The following DPP10 variants were observed in gnomAD, a reference collection of about 807,000 sequenced individuals.
The protein encoded by DPP10 is inactive dipeptidyl peptidase 10.
A neutral mutation model predicts 120.9 loss-of-function variants in DPP10; 33 were observed. That is an observed-to-expected ratio of 0.27 (90% CI 0.21 to 0.37). DPP10 has a LOEUF of 0.37. Among genes scored for constraint, DPP10 ranks in the 10% least tolerant of loss-of-function variants. The pLI is 1.00. For missense variants in DPP10, 816 were observed against 942.8 expected (o/e 0.87, Z 1.76); for synonymous variants, 337 against 326.1 (o/e 1.03, Z -0.36).
At chr2:114,751,780 G>A (rs1679250117) in intron 1 of DPP10, among the ~76,000 whole-genome samples, 1 of 152,180 alleles carries the variant, frequency 6.6e-6, no homozygotes, top group African/African-American at 2.4e-5. Flanking sequence ...CATGTTGGGA[G>A]CTTAAGCTGA....
intron 1 of DPP10, among the ~76,000 whole-genome samples, chr2:115,077,190 G>A (rs1707877315): frequency 6.6e-6 from 1 of 152,104 alleles, no homozygotes; most frequent in South Asian, 2.1e-4. Context: ...CATGGCAGCT[G>A]TCGTCTAATA....
chr2:115,023,909 T>TA (rs1283185606), intron 1 of DPP10, among the ~76,000 whole-genome samples: 10 of 151,944 alleles, frequency 6.6e-5, no homozygotes, highest in African/African-American at 2.4e-4. Context: ...AACTCAGCAA[T>TA]AAAAAACCAA....
chr2:115,044,860 G>A (rs1168146937), intron 1 of DPP10, among the ~76,000 whole-genome samples: 1 of 152,036 alleles, frequency 6.6e-6, no homozygotes, highest in Non-Finnish European at 1.5e-5. Flanking sequence ...ACAAATAAGT[G>A]ACAGCATGCA....
chr2:115,398,203 G>A (rs1553581760), intron 3 of DPP10, among the ~76,000 whole-genome samples: 2 of 150,568 alleles, frequency 1.3e-5, no homozygotes, highest in Non-Finnish European at 3.0e-5. Context: ...TTTGTCCCTT[G>A]GTTATATTAA....
intron 1 of DPP10, among the ~76,000 whole-genome samples, chr2:114,456,388 C>T (rs1678588093): frequency 6.6e-6 from 1 of 152,210 alleles, no homozygotes; most frequent in Non-Finnish European, 1.5e-5. Flanking sequence ...GACTTCTTAA[C>T]ATTAGAGGCC....
chr2:115,755,359 T>TA (rs1242373409), intron 11 of DPP10, among the ~76,000 whole-genome samples: 1 of 151,962 alleles, frequency 6.6e-6, no homozygotes, highest in Non-Finnish European at 1.5e-5. Flanking sequence ...CAGAAATAAA[T>TA]ACATGTGTTT....
chr2:114,625,520 T>G (rs1694445913), intron 1 of DPP10, among the ~76,000 whole-genome samples: 1 of 152,026 alleles, frequency 6.6e-6, no homozygotes, highest in Non-Finnish European at 1.5e-5. Flanking sequence ...TTGAAGTACT[T>G]CTATGAACAG....
intron 1 of DPP10, among the ~76,000 whole-genome samples, chr2:115,086,505 G>A (rs1573556488): frequency 6.7e-6 from 1 of 148,520 alleles, no homozygotes; most frequent in African/African-American, 2.5e-5. Flanking sequence ...CACCCAGGCT[G>A]GAGTGTAGTG....
chr2:114,628,148 GT>G, intron 1 of DPP10, among the ~76,000 whole-genome samples: 1 of 152,186 alleles, frequency 6.6e-6, no homozygotes, highest in Middle Eastern at 3.4e-3. Flanking sequence ...TTTGTGACAG[GT>G]GACATTATTT....
intron 1 of DPP10, among the ~76,000 whole-genome samples, chr2:115,023,106 C>A (rs370022918): frequency 6.6e-6 from 1 of 151,936 alleles, no homozygotes; most frequent in African/African-American, 2.4e-5. Context: ...ACTTCATGAC[C>A]GGGAACTCAA....
At chr2:115,700,725 A>G (rs932062848) in intron 7 of DPP10, among the ~76,000 whole-genome samples, 1 of 152,158 alleles carries the variant, frequency 6.6e-6, no homozygotes, top group Non-Finnish European at 1.5e-5. Context: ...ACTAATAAAC[A>G]CATTCAGCAA....
At position 115,836,671 on chromosome 2, in the gene DPP10, T is replaced by C. The variant is rs773921490; in HGVS notation, c.2110-3T>C. 1 of 1,612,270 alleles carries C rather than the reference T, an allele frequency of 6.2e-7. No individual in the cohort carries two copies. Among genetic ancestry groups the C allele is most frequent in the Non-Finnish European group, 8.5e-7 (1 of 1,179,358 alleles). On this transcript the variant is annotated splice_region_variant and splice_polypyrimidine_tract_variant and intron_variant, in intron 23 of 25. Coordinates refer to ENST00000410059, the MANE Select transcript of DPP10 (RefSeq NM_020868.6). ...ATACAGATATTTGTATTTTCCTTTA[T>C]AGGCAGCCAGTGTGCTACATAATGT...
chr2:115,394,358 A>G (rs996038406), intron 3 of DPP10, among the ~76,000 whole-genome samples: 1 of 151,906 alleles, frequency 6.6e-6, no homozygotes, highest in African/African-American at 2.4e-5. Context: ...GATAAAGCCC[A>G]GGTTTCTGTT....
In DPP10 at chr2:115,163,134, C is replaced by A. The variant is rs376004893; in HGVS notation, c.61-146105C>A. Reference sequence around the variant, plus strand: ...GGACACCCTCCCAGCTTATTGCTAGCGTGGGATAGAGGGAGCGCACGCGGC... The same window carrying A: ...GGACACCCTCCCAGCTTATTGCTAGAGTGGGATAGAGGGAGCGCACGCGGC... On this transcript the variant is annotated intron_variant, in intron 1 of 25. Transcript: ENST00000410059. 3.0e-4 allele frequency among the ~76,000 whole-genome samples: 46 copies of A among 152,250 alleles called. No homozygotes were observed. The East Asian group carries it at 3.5e-3, about 12-fold the overall frequency.
intron 3 of DPP10, among the ~76,000 whole-genome samples, chr2:115,473,624 T>TCTGTCTGG (rs1331468232): frequency 6.6e-6 from 1 of 152,206 alleles, no homozygotes; most frequent in Non-Finnish European, 1.5e-5. Flanking sequence ...TTCCAAAGCC[T>TCTGTCTGG]CTGTCTGGCT....
intron 1 of DPP10, among the ~76,000 whole-genome samples, chr2:115,050,929 A>T (rs13426922): frequency 0.018 from 2,710 of 152,290 alleles, 74 homozygotes; most frequent in African/African-American, 0.063. Flanking sequence ...ACCACACATG[A>T]CAAAGAATAC....
At chr2:114,965,160 G>A (rs772912470) in intron 1 of DPP10, among the ~76,000 whole-genome samples, 3 of 151,758 alleles carry the variant, frequency 2.0e-5, no homozygotes, top group Non-Finnish European at 4.4e-5. Flanking sequence ...TTTTTTGGAC[G>A]GATTTTTGCT....
At chr2:115,613,458 C>T (rs1300371419) in intron 5 of DPP10, among the ~76,000 whole-genome samples, 1 of 152,136 alleles carries the variant, frequency 6.6e-6, no homozygotes, top group African/African-American at 2.4e-5. Flanking sequence ...CCTTAATGCC[C>T]TTGAGTTCTT....
At chr2:114,860,396 G>A (rs745922753) in intron 1 of DPP10, among the ~76,000 whole-genome samples, 1 of 152,166 alleles carries the variant, frequency 6.6e-6, no homozygotes, top group African/African-American at 2.4e-5. Flanking sequence ...TAAAATAGGA[G>A]CATTGGGGAT....
Sources: allele counts gnomAD v4.1 joint callset (sites outside exome capture counted in the v4.1 genomes callset), GRCh38; gene constraint gnomAD v4.1.1; transcripts MANE v1.5; gene names NCBI Gene and HGNC (gene_info 2026-07-23, HGNC 2026-07-21).